The following MRPL22 variants were observed in gnomAD, a reference collection of about 807,000 sequenced individuals.
MRPL22 encodes mitochondrial ribosomal protein L22.
Under a neutral mutation model 32.4 loss-of-function variants are expected in MRPL22, and 27 were observed. That is an observed-to-expected ratio of 0.83 (90% CI 0.61 to 1.15). MRPL22 has a LOEUF of 1.15. Ranked by LOEUF, MRPL22 falls within the 50% of genes most tolerant of loss-of-function variation. The pLI, the probability that MRPL22 is intolerant of heterozygous loss-of-function variation, is 0.00. For missense variants in MRPL22, 239 were observed against 260.2 expected (o/e 0.92, Z 0.56); for synonymous variants, 86 against 87.3 (o/e 0.99, Z 0.08).
intron 2 of MRPL22, among the ~76,000 whole-genome samples, chr5:154,947,754 A>G (rs576718832): frequency 2.6e-4 from 40 of 152,286 alleles, no homozygotes; most frequent in African/African-American, 9.6e-4. Context: ...TATTATAGCC[A>G]CTTACGATAG....
chr5:154,951,168 A>G (rs1033635775), intron 3 of MRPL22, among the ~76,000 whole-genome samples: 7 of 152,200 alleles, frequency 4.6e-5, no homozygotes, highest in Non-Finnish European at 7.3e-5. Flanking sequence ...AACTAAGCTA[A>G]TAGTTTAAGA....
At chr5:154,941,318 T>C (rs1363569933) in intron 2 of MRPL22, 53 bp downstream of exon 2, 2 of 1,608,642 alleles carry the variant, frequency 1.2e-6, no homozygotes, top group African/African-American at 2.7e-5. Context: ...TTTAGTATTC[T>C]GCCAGTTGGT....
intron 2 of MRPL22, among the ~76,000 whole-genome samples, chr5:154,942,688 G>T (rs1047125982): frequency 3.3e-5 from 5 of 152,236 alleles, no homozygotes; most frequent in Non-Finnish European, 7.3e-5. Flanking sequence ...AAAACGGAAA[G>T]AAATTAGTTT....
intron 3 of MRPL22, among the ~76,000 whole-genome samples, chr5:154,954,983 G>A (rs1177301373): frequency 6.6e-6 from 1 of 151,520 alleles, no homozygotes; most frequent in Admixed American, 6.6e-5. Flanking sequence ...ATTTTTAGTA[G>A]AGACGGGGTT....
Position 154,950,850 on chromosome 5 carries a change from G to A in MRPL22, c.107G>A (p.Ser36Asn), listed in dbSNP as rs374849878. The part of the protein sequence containing the change: ...GVLPQSYIHT[S>N]ASLDISRKWE... ...TTACCTCAATCATATATCCACACAA[G>A]TGCTTCTCTTGACATTTCTCGAAAA... Residue 36 changes from serine to asparagine, a missense_variant, in exon 3 of 7, where the codon AGT (serine) becomes AAT (asparagine). Transcript: ENST00000523037. 60 of 1,612,634 alleles carry A rather than the reference G, an allele frequency of 3.7e-5. No individual in the cohort carries two copies. Among genetic ancestry groups the A allele is most frequent in the Admixed American group, 5.0e-5 (3 of 59,974 alleles).
intron 5 of MRPL22, 33 bp downstream of exon 5, chr5:154,957,245 G>A: frequency 6.6e-7 from 1 of 1,521,016 alleles, no homozygotes; most frequent in Non-Finnish European, 9.1e-7. Flanking sequence ...GGTAGGGAAT[G>A]GGGAACTGGG....
intron 6 of MRPL22, among the ~76,000 whole-genome samples, chr5:154,964,351 A>G (rs1764740542): frequency 6.6e-6 from 1 of 152,188 alleles, no homozygotes; most frequent in Non-Finnish European, 1.5e-5. Flanking sequence ...TCAGCATTAC[A>G]GTGTTATATA....
chr5:154,958,893 A>G (rs1764666384), intron 5 of MRPL22, among the ~76,000 whole-genome samples: 1 of 152,094 alleles, frequency 6.6e-6, no homozygotes. Flanking sequence ...GTTAATTCAA[A>G]ATATCTATGG....
At position 154,966,764 on chromosome 5, in the gene MRPL22, A is replaced by T; in HGVS notation, c.488A>T (p.Lys163Met). ...AGAGGTCGCTTTGGGATCATGGAGA[A>T]GGTTTATTGCCATTATTTTGTGAAG... Reference protein sequence around the residue: ...HGRGRFGIMEKVYCHYFVKLV... With the variant: ...HGRGRFGIMEMVYCHYFVKLV... The change falls in exon 7 of 7, where the codon AAG becomes ATG. Residue 163 changes from lysine (K) to methionine (M), a missense_variant. Lys to Met is a moderately conservative substitution (Grantham distance 95). Coordinates refer to ENST00000523037, the MANE Select transcript of MRPL22 (RefSeq NM_014180.4). The T allele has an allele frequency of 6.2e-7, 1 of 1,614,174 alleles. No individual in the cohort carries two copies. The highest frequency in any genetic ancestry group is 8.5e-7 in the Non-Finnish European group (1 of 1,180,030).
Position 154,959,949 on chromosome 5 carries a change from C to A in MRPL22, c.340-31C>A. ...AATTCCATTTTACTTCAGGTTTAGCCGTATAAATGCTTTTCTTTTTCTTAT... is the reference window on the plus strand; with the variant it reads ...AATTCCATTTTACTTCAGGTTTAGCAGTATAAATGCTTTTCTTTTTCTTAT... On this transcript the variant is annotated intron_variant, in intron 5 of 6. Transcript: ENST00000523037. The A allele has an allele frequency of 1.3e-6, 2 of 1,508,390 alleles. No individual in the cohort carries two copies. The highest frequency in any genetic ancestry group is 1.8e-6 in the Non-Finnish European group (2 of 1,092,120). The allele number at this position is 1,508,390 out of a possible 1,614,324, so 93.4% of individuals were successfully genotyped here.
intron 2 of MRPL22, among the ~76,000 whole-genome samples, chr5:154,944,651 A>G: frequency 6.6e-6 from 1 of 152,324 alleles, no homozygotes; most frequent in East Asian, 1.9e-4. Flanking sequence ...GGGGCAAATA[A>G]GCAAAATAAG....
chr5:154,950,505 T>C (rs1764545489), intron 2 of MRPL22, among the ~76,000 whole-genome samples: 1 of 152,206 alleles, frequency 6.6e-6, no homozygotes, highest in Non-Finnish European at 1.5e-5. Context: ...CATTATGTCT[T>C]CTCTAAATCT....
Position 154,966,743 on chromosome 5 carries a change from G to A in MRPL22, c.467G>A (p.Gly156Asp), listed in dbSNP as rs149805434. Residue 156 changes from glycine (G) to aspartate (D), a missense_variant, in exon 7 of 7, where the codon GGT becomes GAT. Coordinates refer to ENST00000523037, the MANE Select transcript of MRPL22 (RefSeq NM_014180.4). ...AAACGCATCCGCTACCATGGCAGAG[G>A]TCGCTTTGGGATCATGGAGAAGGTT... is the stretch of plus-strand genomic sequence containing the variant. ...CLKRIRYHGR[G>D]RFGIMEKVYC... 1 of 1,614,196 alleles carries A rather than the reference G, an allele frequency of 6.2e-7. No individual in the cohort carries two copies. Among genetic ancestry groups the A allele is most frequent in the Non-Finnish European group, 8.5e-7 (1 of 1,180,034 alleles).
At chr5:154,956,896 G>GT (rs1471872750) in intron 4 of MRPL22, 1 of 452,112 alleles carries the variant, frequency 2.2e-6, no homozygotes, top group Non-Finnish European at 3.9e-6. Flanking sequence ...TCTCTGTCAT[G>GT]TTTGCTGTCT....
intron 6 of MRPL22, among the ~76,000 whole-genome samples, chr5:154,961,990 T>C (rs1764712053): frequency 6.6e-6 from 1 of 152,338 alleles, no homozygotes; most frequent in African/African-American, 2.4e-5. Flanking sequence ...GTCTGACCCT[T>C]TAATCCAGAG....
intron 3 of MRPL22, among the ~76,000 whole-genome samples, chr5:154,954,834 C>G (rs1354168251): frequency 6.6e-6 from 1 of 152,170 alleles, no homozygotes; most frequent in Admixed American, 6.5e-5. Flanking sequence ...CTCTGTCGCC[C>G]AGGCTGGAGT....
At chr5:154,949,703 C>T (rs1018472925) in intron 2 of MRPL22, among the ~76,000 whole-genome samples, 1 of 152,006 alleles carries the variant, frequency 6.6e-6, no homozygotes, top group Admixed American at 6.6e-5. Flanking sequence ...AGGGGAGTAG[C>T]GGATGCTGGG....
At chr5:154,946,959 A>G (rs1328164342) in intron 2 of MRPL22, among the ~76,000 whole-genome samples, 1 of 152,186 alleles carries the variant, frequency 6.6e-6, no homozygotes, top group Non-Finnish European at 1.5e-5. Context: ...TACTTGGCCA[A>G]AGGGCCTAAT....
chr5:154,941,364 T>C, intron 2 of MRPL22, 99 bp downstream of exon 2: 1 of 1,470,508 alleles, frequency 6.8e-7, no homozygotes, highest in Non-Finnish European at 9.3e-7. Context: ...TGTTTTAGGC[T>C]CTGGGGTTAC....
Sources: allele counts gnomAD v4.1 joint callset (sites outside exome capture counted in the v4.1 genomes callset), GRCh38; gene constraint gnomAD v4.1.1; transcripts MANE v1.5; gene names NCBI Gene and HGNC (gene_info 2026-07-23, HGNC 2026-07-21).